WFDC3: variants seen among roughly 807,000 people sequenced by gnomAD.
WFDC3 encodes WAP four-disulfide core domain 3.
WFDC3 carries 15 observed loss-of-function variants against 25.8 expected under a neutral mutation model. The ratio of observed to expected loss-of-function variants is 0.58; its 90% CI spans 0.39 to 0.89. WFDC3 has a LOEUF of 0.89. Among genes scored for constraint, WFDC3 ranks in the 40% least tolerant of loss-of-function variants. The pLI is 0.00. For missense variants in WFDC3, 264 were observed against 289.8 expected (o/e 0.91, Z 0.65); for synonymous variants, 103 against 107.1 (o/e 0.96, Z 0.24).
At chr20:45,785,475 A>G (rs1433985609) in intron 4 of WFDC3, among the ~76,000 whole-genome samples, 2 of 151,952 alleles carry the variant, frequency 1.3e-5, no homozygotes, top group Admixed American at 1.3e-4. Flanking sequence ...AAAAAAAAAA[A>G]AAAGAACATT....
chr20:45,789,510 A>C (rs2145691797), intron 2 of WFDC3, among the ~76,000 whole-genome samples: 2 of 151,716 alleles, frequency 1.3e-5, no homozygotes, highest in Middle Eastern at 3.4e-3. Context: ...CATCTCAAAA[A>C]AAAAAAAAAA....
chr20:45,790,622 G>A (rs1484092327), intron 1 of WFDC3, among the ~76,000 whole-genome samples: 2 of 152,168 alleles, frequency 1.3e-5, no homozygotes, highest in Admixed American at 1.3e-4. Context: ...CTACGTGGGA[G>A]GCTGAGGCAG....
At chr20:45,784,381 A>G (rs1980580321) in intron 4 of WFDC3, among the ~76,000 whole-genome samples, 1 of 152,234 alleles carries the variant, frequency 6.6e-6, no homozygotes, top group Admixed American at 6.5e-5. Context: ...ACAGGGCTTC[A>G]GGTTCTGAGA....
intron 1 of WFDC3, among the ~76,000 whole-genome samples, chr20:45,791,259 A>AT (rs972662646): frequency 5.7e-5 from 7 of 123,630 alleles, no homozygotes; most frequent in Admixed American, 3.1e-4. Context: ...TCTCGGCATA[A>AT]TTAACATTTG....
chr20:45,786,046 G>A (rs1275422065), intron 4 of WFDC3, among the ~76,000 whole-genome samples: 4 of 151,988 alleles, frequency 2.6e-5, no homozygotes, highest in Admixed American at 6.6e-5. Context: ...ACTTCAAATC[G>A]CTCTCCAGGT....
At position 45,779,101 on chromosome 20, in the gene WFDC3, A is replaced by G. The variant is rs550822496; in HGVS notation, c.359-1892T>C. 2.0e-5 allele frequency among the ~76,000 whole-genome samples: 3 copies of G among 152,344 alleles called. No individual in the cohort carries two copies. In the East Asian group the frequency reaches 5.8e-4, roughly 29 times the overall value. On this transcript the variant is annotated intron_variant, in intron 4 of 6. Coordinates refer to ENST00000243938, the MANE Select transcript of WFDC3 (RefSeq NM_080614.2). ...AACACTCAGCCTCTTGATTTGCGGT[A>G]AAGTACTTTTTCTACTACACTATCC...
chr20:45,791,559 A>G (rs545522077), intron 1 of WFDC3, among the ~76,000 whole-genome samples: 1 of 152,202 alleles, frequency 6.6e-6, no homozygotes, highest in South Asian at 2.1e-4. Flanking sequence ...GGCCTCCCAA[A>G]GTGCTGGGAT....
At chr20:45,790,716 C>T (rs1980924932) in intron 1 of WFDC3, among the ~76,000 whole-genome samples, 1 of 149,882 alleles carries the variant, frequency 6.7e-6, no homozygotes, top group East Asian at 1.9e-4. Flanking sequence ...CAGAGTGAGA[C>T]TCTGTCTCAA....
Position 45,788,958 on chromosome 20 carries a change from C to T in WFDC3, c.184G>A (p.Gly62Ser). The change falls in exon 3 of 7, where the codon GGT (glycine) becomes AGT (serine). Residue 62 changes from glycine to serine, a missense_variant. Transcript: ENST00000243938. ...AEQKCCTTGC[G>S]RICRDIPKGR... Reference sequence around the variant, plus strand: ...TTAGGAATGTCTCGGCAGATCCGACCACAGCCTGTGGTGCAGCACTTCTGT... The same window carrying T: ...TTAGGAATGTCTCGGCAGATCCGACTACAGCCTGTGGTGCAGCACTTCTGT... The T allele has an allele frequency of 6.2e-7, 1 of 1,613,074 alleles. No individual in the cohort carries two copies.
chr20:45,776,191 G>A (rs73306418), intron 5 of WFDC3, among the ~76,000 whole-genome samples: 2,559 of 152,092 alleles, frequency 0.017, 72 homozygotes, highest in African/African-American at 0.059. Flanking sequence ...TTCTTTAATG[G>A]AGATCCACAG....
rs984076149 is a variant in WFDC3, at chr20:45,787,451, C to T, written c.358+385G>A. On this transcript the variant is annotated intron_variant, in intron 4 of 6. Coordinates refer to ENST00000243938, the MANE Select transcript of WFDC3 (RefSeq NM_080614.2). ...GACTACAGGCACCCGCCACCACGCC[C>T]GGCTACTTTTTTTGTATTTTTAGTA... Among the ~76,000 whole-genome samples the T allele has an allele frequency of 5.3e-5, 8 of 151,776 alleles. No individual in the cohort carries two copies. In the East Asian group the frequency reaches 1.4e-3, roughly 26 times the overall value.
chr20:45,776,069 A>G (rs112423682), intron 5 of WFDC3, among the ~76,000 whole-genome samples: 5 of 152,288 alleles, frequency 3.3e-5, no homozygotes, highest in African/African-American at 1.2e-4. Flanking sequence ...TTTAAAAGGA[A>G]TATGTCTATC....
intron 5 of WFDC3, among the ~76,000 whole-genome samples, chr20:45,775,922 C>A (rs1237564978): frequency 6.6e-6 from 1 of 152,156 alleles, no homozygotes; most frequent in Non-Finnish European, 1.5e-5. Context: ...CTCCCCCTCC[C>A]CCTATGCTCT....
intron 4 of WFDC3, among the ~76,000 whole-genome samples, chr20:45,785,927 A>G (rs1980648103): frequency 6.6e-6 from 1 of 152,016 alleles, no homozygotes; most frequent in Admixed American, 6.6e-5. Flanking sequence ...CTCTAACCGT[A>G]CTAGCTTTCT....
chr20:45,776,700 G>A (rs981919088), intron 5 of WFDC3, among the ~76,000 whole-genome samples: 2 of 148,250 alleles, frequency 1.3e-5, no homozygotes, highest in Non-Finnish European at 3.0e-5. Flanking sequence ...ATTTGGGGCA[G>A]GGGAGAAGCT....
At chr20:45,781,955 T>C (rs1980463957) in intron 4 of WFDC3, among the ~76,000 whole-genome samples, 1 of 152,088 alleles carries the variant, frequency 6.6e-6, no homozygotes, top group Non-Finnish European at 1.5e-5. Flanking sequence ...CAACCTGCAG[T>C]GAGGTTTTAG....
chr20:45,781,262 G>A (rs995198636), intron 4 of WFDC3, among the ~76,000 whole-genome samples: 15 of 150,222 alleles, frequency 1.0e-4, no homozygotes, highest in Non-Finnish European at 2.1e-4. Context: ...CACACACATA[G>A]ACACACACAC....
intron 4 of WFDC3, among the ~76,000 whole-genome samples, chr20:45,782,346 T>C (rs1451781914): frequency 1.3e-5 from 2 of 152,244 alleles, no homozygotes; most frequent in East Asian, 1.9e-4. Flanking sequence ...TTCATTGTTA[T>C]TGGTTTTTTG....
At chr20:45,783,846 G>T (rs1980555737) in intron 4 of WFDC3, among the ~76,000 whole-genome samples, 1 of 152,192 alleles carries the variant, frequency 6.6e-6, no homozygotes, top group Admixed American at 6.5e-5. Flanking sequence ...AACCAGTCCT[G>T]TTGGGTGAGT....
Sources: allele counts gnomAD v4.1 joint callset (sites outside exome capture counted in the v4.1 genomes callset), GRCh38; gene constraint gnomAD v4.1.1; transcripts MANE v1.5; gene names NCBI Gene and HGNC (gene_info 2026-07-23, HGNC 2026-07-21).